The following UTS2B variants were observed in gnomAD, a reference collection of about 807,000 sequenced individuals.
UTS2B encodes the protein urotensin 2B.
In UTS2B, 21 loss-of-function variants were observed where a neutral mutation model predicts 19.2. The ratio of observed to expected loss-of-function variants is 1.09; its 90% confidence interval spans 0.78 to 1.58. The LOEUF is 1.58. Among genes scored for constraint, UTS2B ranks in the 40% most tolerant of loss-of-function variants. The pLI is 0.00. For synonymous variants in UTS2B, 57 were observed against 50.2 expected (o/e 1.14, Z -0.58); for missense variants, 138 against 130.3 (o/e 1.06, Z -0.29).
chr3:191,314,171 G>A (rs10937476), intron 3 of UTS2B, among the ~76,000 whole-genome samples: 45,714 of 151,974 alleles, frequency 0.3, 7,410 homozygotes, highest in African/African-American at 0.41. Flanking sequence ...CTGGTTCAAG[G>A]CCCGTATTTC....
chr3:191,309,956 C>A (rs887367283), intron 3 of UTS2B, among the ~76,000 whole-genome samples: 7 of 150,090 alleles, frequency 4.7e-5, no homozygotes, highest in Non-Finnish European at 1.0e-4. Flanking sequence ...TTCTTTTTTC[C>A]TTTCTTTCTT....
At chr3:191,300,346 C>T (rs1716963491) in intron 4 of UTS2B, among the ~76,000 whole-genome samples, 1 of 152,212 alleles carries the variant, frequency 6.6e-6, no homozygotes, top group Non-Finnish European at 1.5e-5. Flanking sequence ...CCGTGCCTGG[C>T]CTGTAGCCCC....
intron 4 of UTS2B, among the ~76,000 whole-genome samples, chr3:191,293,311 T>C (rs1716768124): frequency 6.6e-6 from 1 of 152,228 alleles, no homozygotes; most frequent in South Asian, 2.1e-4. Context: ...TTGAAGAGTT[T>C]GTAAAGGATT....
chr3:191,330,588 C>T (rs1332909131), upstream of UTS2B: 1 of 152,182 alleles, frequency 6.6e-6, no homozygotes. Context: ...AGAGTGCTGA[C>T]GCAGACCCCT....
intron 2 of UTS2B, among the ~76,000 whole-genome samples, chr3:191,317,420 G>C (rs1024115487): frequency 2.0e-5 from 3 of 152,178 alleles, no homozygotes; most frequent in Non-Finnish European, 4.4e-5. Context: ...AGCTGGCTCC[G>C]GCCTTGGCCA....
the UTS2B span, among the ~76,000 whole-genome samples, chr3:191,335,915 C>T: frequency 1.1e-3 from 174 of 151,758 alleles, no homozygotes; most frequent in Non-Finnish European, 2.1e-3. Context: ...AACCCCCAAA[C>T]TTCTCAACCC....
intron 6 of UTS2B, among the ~76,000 whole-genome samples, chr3:191,277,845 A>T (rs1716277174): frequency 6.6e-6 from 1 of 151,846 alleles, no homozygotes; most frequent in South Asian, 2.1e-4. Context: ...ATGTTTACCA[A>T]TCCCATTAGG....
intron 1 of UTS2B, chr3:191,329,429 C>T (rs1717862047): frequency 4.5e-6 from 2 of 445,900 alleles, no homozygotes; most frequent in East Asian, 8.0e-5. Flanking sequence ...TCGATTGGGG[C>T]CGGGGACGCG....
chr3:191,275,949 T>C (rs540881939), intron 7 of UTS2B, among the ~76,000 whole-genome samples: 11 of 152,146 alleles, frequency 7.2e-5, no homozygotes, highest in Non-Finnish European at 1.2e-4. Context: ...TGGGTGTTAA[T>C]GGGGAACATG....
At chr3:191,344,825 C>T in the UTS2B span, among the ~76,000 whole-genome samples, 2 of 152,172 alleles carry the variant, frequency 1.3e-5, no homozygotes, top group Admixed American at 6.5e-5. Flanking sequence ...GCATTCTGCC[C>T]ACCTCGGCAT....
chr3:191,272,319 T>C (rs764103487), intron 8 of UTS2B, among the ~76,000 whole-genome samples: 42 of 152,142 alleles, frequency 2.8e-4, no homozygotes, highest in Non-Finnish European at 1.8e-4. Flanking sequence ...ACTGATATCA[T>C]AGGTTTGAAA....
intron 1 of UTS2B, chr3:191,329,598 T>TGCGCTCGGGGCC (rs1576942065): frequency 1.2e-5 from 18 of 1,496,188 alleles, no homozygotes; most frequent in Non-Finnish European, 1.5e-5. Flanking sequence ...GCGCTGCTGC[T>TGCGCTCGGGGCC]GCGCTCGGGG....
intron 1 of UTS2B, chr3:191,329,385 C>T (rs1027214325): frequency 5.6e-5 from 22 of 394,956 alleles, no homozygotes; most frequent in Non-Finnish European, 8.9e-5. Flanking sequence ...TACTGGACGG[C>T]CCCGGTCCAT....
At chr3:191,299,260 TAAGAAA>T (rs1417974796) in intron 4 of UTS2B, among the ~76,000 whole-genome samples, 5 of 152,152 alleles carry the variant, frequency 3.3e-5, no homozygotes, top group African/African-American at 1.2e-4. Flanking sequence ...GCCAAGACAG[TAAGAAA>T]AAGGCCTCCA....
At chr3:191,269,257 G>C (rs146693082) in intron 8 of UTS2B, among the ~76,000 whole-genome samples, 8 of 152,246 alleles carry the variant, frequency 5.3e-5, no homozygotes, top group South Asian at 2.1e-4. Context: ...ATCCCTCATT[G>C]AAATGAATGA....
At chr3:191,335,978 C>G in the UTS2B span, among the ~76,000 whole-genome samples, 1 of 150,774 alleles carries the variant, frequency 6.6e-6, no homozygotes, top group East Asian at 2.0e-4. Context: ...TGTAGTTTTG[C>G]CTTGTCAAAA....
intron 4 of UTS2B, among the ~76,000 whole-genome samples, chr3:191,288,408 C>T (rs191854954): frequency 4.5e-4 from 69 of 152,190 alleles, no homozygotes; most frequent in African/African-American, 1.5e-3. Flanking sequence ...AAAGAGCATG[C>T]CACTGGCATA....
chr3:191,269,035 T>C (rs767512771), intron 8 of UTS2B, among the ~76,000 whole-genome samples: 2 of 152,222 alleles, frequency 1.3e-5, no homozygotes, highest in Non-Finnish European at 2.9e-5. Flanking sequence ...TATATTAGCA[T>C]TTCAATCTTC....
At position 191,325,143 on chromosome 3, in the gene UTS2B, C is replaced by G. The variant is rs149766265; in HGVS notation, c.-586+3488G>C. 5.0e-3 allele frequency among the ~76,000 whole-genome samples: 765 copies of G among 152,180 alleles called. 8 individuals carry two copies. Among genetic ancestry groups the G allele is most frequent in the Middle Eastern group, 0.02 (6 of 294 alleles). On this transcript the variant is annotated intron_variant, in intron 2 of 8. Coordinates refer to ENST00000340524, the MANE Select transcript of UTS2B (RefSeq NM_198152.5). ...TGTATGTTTATGTATACACTGAAATCATCAAGTGTTCTGTGATGACAGAGA... is the reference window on the plus strand; with the variant it reads ...TGTATGTTTATGTATACACTGAAATGATCAAGTGTTCTGTGATGACAGAGA...
Sources: gnomAD v4.1 joint callset for allele counts (sites outside exome capture counted in the v4.1 genomes callset) on GRCh38, gnomAD v4.1.1 for gene constraint, MANE v1.5 for transcripts, NCBI Gene and HGNC (gene_info 2026-07-23, HGNC 2026-07-21) for gene names.